NEK5: variants seen among roughly 807,000 people sequenced by gnomAD.
The protein encoded by NEK5 is NIMA related kinase 5.
A neutral mutation model predicts 109.2 loss-of-function variants in NEK5; 88 were observed. The ratio of observed to expected loss-of-function variants is 0.81; its 90% CI spans 0.68 to 0.96. The LOEUF (loss-of-function observed/expected upper bound fraction) is 0.96, where lower values mean the gene tolerates loss of function less well. NEK5 is among the 40% of genes least tolerant of loss of function. NEK5 has a pLI of 0.00. For synonymous variants in NEK5, 283 were observed against 299.9 expected (o/e 0.94, Z 0.58); for missense variants, 834 against 920.7 (o/e 0.91, Z 1.22).
intron 22 of NEK5, among the ~76,000 whole-genome samples, chr13:52,053,818 GTTTTAT>G (rs2137702489): frequency 6.6e-6 from 1 of 152,290 alleles, no homozygotes; most frequent in South Asian, 2.1e-4. Context: ...TTCCGAAGTG[GTTTTAT>G]TAAGGCAGGA....
chr13:52,084,033 C>CT (rs1443705915), intron 16 of NEK5, among the ~76,000 whole-genome samples: 1 of 152,146 alleles, frequency 6.6e-6, no homozygotes, highest in Non-Finnish European at 1.5e-5. Context: ...CACTCTCCTC[C>CT]TTTAACTCTG....
At chr13:52,071,145 A>G (rs79471741) in intron 20 of NEK5, among the ~76,000 whole-genome samples, 13,440 of 152,016 alleles carry the variant, frequency 0.088, 681 homozygotes, top group Non-Finnish European at 0.12. Flanking sequence ...AATAGACACT[A>G]TGCTAAGGGT....
At position 52,061,888 on chromosome 13, in the gene NEK5, C is replaced by T. The variant is rs1954616805; in HGVS notation, c.2041G>A (p.Gly681Arg). The T allele has an allele frequency of 1.0e-6, 1 of 985,180 alleles. No homozygotes were observed. The highest frequency in any genetic ancestry group is 1.2e-6 in the Non-Finnish European group (1 of 829,410). 61.0% of individuals were successfully genotyped at this position (985,180 alleles called of 1,614,324 possible). ...GCTGCCAAAACACTCATTAAAGTTC[C>T]TGGAGCTTCATGCCGCCACTGTTTC... ...NRKQWRHEAP[G>R]TLMSVLAAAH... Residue 681 changes from glycine (G) to arginine (R), a missense_variant, in exon 22 of 24, where the codon GGA (glycine) becomes AGA (arginine). By Grantham distance (125) the Gly-to-Arg change is moderately radical. Transcript: ENST00000684899.
chr13:52,120,201 C>T (rs1955941740), intron 3 of NEK5, among the ~76,000 whole-genome samples: 1 of 152,126 alleles, frequency 6.6e-6, no homozygotes, highest in Admixed American at 6.6e-5. Flanking sequence ...AGCTTCCCTA[C>T]ATCTCAGCTG....
chr13:52,067,683 T>C (rs913932144), intron 20 of NEK5, among the ~76,000 whole-genome samples: 9 of 149,924 alleles, frequency 6.0e-5, no homozygotes, highest in Non-Finnish European at 1.3e-4. Flanking sequence ...GTCATTTTTT[T>C]TTTTTTTTTT....
At chr13:52,040,661 A>T (rs1954405488) in intron 23 of NEK5, among the ~76,000 whole-genome samples, 1 of 152,120 alleles carries the variant, frequency 6.6e-6, no homozygotes, top group Admixed American at 6.5e-5. Flanking sequence ...TTCTATTTGC[A>T]ATCTCTCATA....
intron 21 of NEK5, among the ~76,000 whole-genome samples, chr13:52,064,267 A>G (rs1016518335): frequency 3.1e-5 from 4 of 131,034 alleles, no homozygotes; most frequent in Non-Finnish European, 4.9e-5. Context: ...CCCGTCCGGG[A>G]GGTGAGGGGC....
At chr13:52,060,348 T>A (rs1228240508) in intron 22 of NEK5, among the ~76,000 whole-genome samples, 1 of 152,202 alleles carries the variant, frequency 6.6e-6, no homozygotes, top group African/African-American at 2.4e-5. Context: ...TAATTAACTT[T>A]GTAAACTTTT....
chr13:52,065,330 C>T (rs771599962), intron 21 of NEK5, 154 bp downstream of exon 21: 17 of 1,027,322 alleles, frequency 1.7e-5, no homozygotes, highest in Admixed American at 1.4e-4. Flanking sequence ...TCTCTTTAGG[C>T]ATAGGGAGAT....
chr13:52,084,629 C>T (rs1353354501), intron 16 of NEK5, among the ~76,000 whole-genome samples: 3 of 151,936 alleles, frequency 2.0e-5, no homozygotes, highest in Non-Finnish European at 2.9e-5. Flanking sequence ...GCCTTTAGCT[C>T]CTAGCTCAAG....
intron 23 of NEK5, among the ~76,000 whole-genome samples, chr13:52,037,507 G>A (rs1023867177): frequency 4.6e-5 from 7 of 151,954 alleles, no homozygotes; most frequent in African/African-American, 7.2e-5. Context: ...GCCGTACATC[G>A]AGCTCTTACT....
At chr13:52,123,423 C>T (rs1956007608) in intron 3 of NEK5, among the ~76,000 whole-genome samples, 1 of 152,084 alleles carries the variant, frequency 6.6e-6, no homozygotes, top group Non-Finnish European at 1.5e-5. Context: ...CTATGAAATG[C>T]AGTAATGTTA....
chr13:52,104,817 T>C (rs1955619245), intron 8 of NEK5, among the ~76,000 whole-genome samples: 1 of 152,246 alleles, frequency 6.6e-6, no homozygotes, highest in Non-Finnish European at 1.5e-5. Flanking sequence ...TTCAGCTTCC[T>C]GCTCAAAAAC....
chr13:52,128,212 A>G (rs1841280715), intron 1 of NEK5, among the ~76,000 whole-genome samples: 2 of 151,810 alleles, frequency 1.3e-5, no homozygotes, highest in African/African-American at 2.4e-5. Context: ...TTTTCGAGGA[A>G]TGCAACTACA....
chr13:52,061,026 C>T (rs545441580), intron 22 of NEK5, among the ~76,000 whole-genome samples: 59 of 152,234 alleles, frequency 3.9e-4, no homozygotes, highest in African/African-American at 1.3e-3. Context: ...CACCCAGGCC[C>T]CTCAAATTTT....
chr13:52,079,951 G>A (rs1307937190), intron 17 of NEK5, among the ~76,000 whole-genome samples: 6 of 142,316 alleles, frequency 4.2e-5, no homozygotes, highest in South Asian at 2.3e-4. Context: ...ACCCGGCCGC[G>A]ACCCTGTCTG....
chr13:52,072,558 G>A (rs9535852), intron 19 of NEK5, among the ~76,000 whole-genome samples: 6,274 of 152,230 alleles, frequency 0.041, 164 homozygotes, highest in South Asian at 0.094. Context: ...GCAGGGCAAC[G>A]TCAGCACCTC....
chr13:52,063,675 C>T (rs1246688220), intron 21 of NEK5, among the ~76,000 whole-genome samples: 2 of 151,644 alleles, frequency 1.3e-5, no homozygotes, highest in Non-Finnish European at 2.9e-5. Context: ...GGGAGCACCT[C>T]TGCCCTGCCG....
intron 17 of NEK5, among the ~76,000 whole-genome samples, chr13:52,077,319 A>T (rs1954886549): frequency 6.6e-6 from 1 of 152,230 alleles, no homozygotes; most frequent in Non-Finnish European, 1.5e-5. Context: ...CAAAGAGCCA[A>T]ATCAAACATA....
Sources: gnomAD v4.1 joint callset for allele counts (sites outside exome capture counted in the v4.1 genomes callset) on GRCh38, gnomAD v4.1.1 for gene constraint, MANE v1.5 for transcripts, NCBI Gene and HGNC (gene_info 2026-07-23, HGNC 2026-07-21) for gene names.